The following CAPN13 variants were observed in gnomAD, a reference collection of about 807,000 sequenced individuals.
CAPN13 encodes calpain-13.
Under a neutral mutation model 98.4 loss-of-function variants are expected in CAPN13, and 90 were observed. The observed-to-expected ratio is 0.92, with a 90% CI of 0.77 to 1.09. The LOEUF (loss-of-function observed/expected upper bound fraction) is 1.09, where lower values mean the gene tolerates loss of function less well. Among genes scored for constraint, CAPN13 ranks in the 50% least tolerant of loss-of-function variants. The pLI, the probability that CAPN13 is intolerant of heterozygous loss-of-function variation, is 0.00. For synonymous variants in CAPN13, 330 were observed against 305.5 expected, an observed-to-expected ratio of 1.08 and a Z score of -0.84; for missense variants, 887 against 841.3, an observed-to-expected ratio of 1.05 and a Z score of -0.67.
intron 8 of CAPN13, 58 bp downstream of exon 8, chr2:30,757,988 G>T: frequency 7.5e-7 from 1 of 1,329,616 alleles, no homozygotes; most frequent in Non-Finnish European, 1.0e-6. Context: ...ATGGGCAGGA[G>T]GCTCTACCGA....
At chr2:30,784,707 A>C (rs974319562) in intron 2 of CAPN13, among the ~76,000 whole-genome samples, 7 of 152,228 alleles carry the variant, frequency 4.6e-5, no homozygotes, top group African/African-American at 1.7e-4. Flanking sequence ...TCTTGGAACC[A>C]GACTCCTGGG....
chr2:30,779,405 G>T (rs1210777164), intron 2 of CAPN13, among the ~76,000 whole-genome samples: 4 of 152,234 alleles, frequency 2.6e-5, no homozygotes, highest in Non-Finnish European at 4.4e-5. Context: ...TAATGACGAT[G>T]CAATCAAGGC....
chr2:30,761,032 A>G (rs948748886), intron 7 of CAPN13, among the ~76,000 whole-genome samples: 1 of 152,220 alleles, frequency 6.6e-6, no homozygotes, highest in Non-Finnish European at 1.5e-5. Context: ...TTTTGTGGCT[A>G]ATGGTACAAT....
At chr2:30,726,154 G>A (rs2103477140) in intron 22 of CAPN13, among the ~76,000 whole-genome samples, 1 of 152,326 alleles carries the variant, frequency 6.6e-6, no homozygotes, top group South Asian at 2.1e-4. Context: ...ACATACCCAG[G>A]CTTATAGTCT....
In CAPN13 at chr2:30,775,926, G is replaced by A. The variant is rs190458763; in HGVS notation, c.387+4C>T. The stretch of plus-strand genomic sequence containing the variant: ...TATAATGAGCGCTGCAAGGGCACAC[G>A]TACCCGGAAACGGAAAATGCCAGCA... On this transcript the variant is annotated splice_donor_region_variant and intron_variant, in intron 4 of 22. Coordinates refer to ENST00000295055, the MANE Select transcript of CAPN13 (RefSeq NM_144575.3). 9.4e-6 allele frequency: 15 copies of A among 1,603,500 alleles called. No homozygotes were observed. Among genetic ancestry groups the A allele is most frequent in the African/African-American group, 4.0e-5 (3 of 74,728 alleles).
intron 4 of CAPN13, among the ~76,000 whole-genome samples, chr2:30,774,011 A>C (rs1673544251): frequency 6.7e-6 from 1 of 148,590 alleles, no homozygotes; most frequent in Non-Finnish European, 1.5e-5. Flanking sequence ...TCCAATTATA[A>C]TAAAACAGAG....
intron 2 of CAPN13, among the ~76,000 whole-genome samples, chr2:30,783,650 C>A (rs1217578497): frequency 6.6e-6 from 1 of 152,142 alleles, no homozygotes; most frequent in East Asian, 1.9e-4. Context: ...TAGTGTTGAA[C>A]CTGCCAAGCT....
At chr2:30,742,614 C>T (rs1455401696) in intron 13 of CAPN13, among the ~76,000 whole-genome samples, 2 of 152,190 alleles carry the variant, frequency 1.3e-5, no homozygotes, top group African/African-American at 2.4e-5. Flanking sequence ...CCAGCAACCC[C>T]CATTGTCAGT....
chr2:30,741,750 C>T lies in CAPN13; in HGVS notation c.1536+158G>A, dbSNP rs1381174020. 5.4e-6 allele frequency: 8 copies of T among 1,477,724 alleles called. No individual in the cohort carries two copies. The African/African-American group carries it at 1.1e-4, about 21-fold the overall frequency. 91.5% of individuals were successfully genotyped at this position (1,477,724 alleles called of 1,614,324 possible). On this transcript the variant is annotated intron_variant, in intron 15 of 22. Coordinates refer to ENST00000295055, the MANE Select transcript of CAPN13 (RefSeq NM_144575.3). ...ACGTCTCTACCGAGCTTGGCAGCCACAGCAGTTCTGGAGACGATCCAGGAA... is the reference window on the plus strand; with the variant it reads ...ACGTCTCTACCGAGCTTGGCAGCCATAGCAGTTCTGGAGACGATCCAGGAA...
Position 30,736,625 on chromosome 2 carries a change from C to A in CAPN13, c.1654-54G>T, listed in dbSNP as rs529279215. 3.9e-6 allele frequency: 6 copies of A among 1,535,162 alleles called. No individual in the cohort carries two copies. The African/African-American group carries it at 8.2e-5, about 21-fold the overall frequency. Reference sequence around the variant, plus strand: ...CAGCGTGCAAGGTGCAGAGGGGCTGCCATCCTGCCAACAAAGCCAGAGCAG... The same window carrying A: ...CAGCGTGCAAGGTGCAGAGGGGCTGACATCCTGCCAACAAAGCCAGAGCAG... On this transcript the variant is annotated intron_variant, in intron 17 of 22. Coordinates refer to ENST00000295055, the MANE Select transcript of CAPN13 (RefSeq NM_144575.3).
chr2:30,769,755 T>C (rs1673300006), intron 5 of CAPN13, among the ~76,000 whole-genome samples: 1 of 152,220 alleles, frequency 6.6e-6, no homozygotes, highest in African/African-American at 2.4e-5. Context: ...CATATGAGAA[T>C]AAGCATGTCC....
At chr2:30,800,685 GAC>G (rs1243975806) in intron 1 of CAPN13, among the ~76,000 whole-genome samples, 1 of 152,150 alleles carries the variant, frequency 6.6e-6, no homozygotes, top group Non-Finnish European at 1.5e-5. Flanking sequence ...GATACTGTTA[GAC>G]AATAAAATAG....
intron 4 of CAPN13, among the ~76,000 whole-genome samples, chr2:30,770,916 C>A (rs1233681715): frequency 6.6e-6 from 1 of 152,108 alleles, no homozygotes; most frequent in Admixed American, 6.6e-5. Context: ...AAGCACGTGG[C>A]AGGGAGACAG....
At chr2:30,770,038 T>C (rs1436476573) in intron 5 of CAPN13, among the ~76,000 whole-genome samples, 1 of 152,214 alleles carries the variant, frequency 6.6e-6, no homozygotes, top group African/African-American at 2.4e-5. Flanking sequence ...ACCGTGATAT[T>C]ATTAAATATA....
chr2:30,774,044 C>T (rs1673546748), intron 4 of CAPN13, among the ~76,000 whole-genome samples: 1 of 151,988 alleles, frequency 6.6e-6, no homozygotes, highest in Non-Finnish European at 1.5e-5. Flanking sequence ...AAAGATTATC[C>T]CTTGCAAAAC....
intron 7 of CAPN13, among the ~76,000 whole-genome samples, chr2:30,761,209 T>C (rs1164252464): frequency 6.6e-6 from 1 of 152,194 alleles, no homozygotes; most frequent in Non-Finnish European, 1.5e-5. Flanking sequence ...TTCTGGGAAG[T>C]GTCAGCTACA....
rs1673003265 is a variant in CAPN13, at chr2:30,764,310, G to T, written c.525-4C>A. The stretch of plus-strand genomic sequence containing the variant: ...ATCGGAATAGGATCCGAGCAGCCTG[G>T]GAGGGAATGGGGGATGAACCATCGT... On this transcript the variant is annotated splice_polypyrimidine_tract_variant and splice_region_variant and intron_variant, in intron 5 of 22. Transcript: ENST00000295055. 6.2e-7 allele frequency: 1 copy of T among 1,613,106 alleles called. No homozygotes were observed. The highest frequency in any genetic ancestry group is 2.2e-5 in the East Asian group (1 of 44,870).
intron 11 of CAPN13, among the ~76,000 whole-genome samples, chr2:30,748,345 GC>G (rs1267601252): frequency 6.6e-6 from 1 of 152,196 alleles, no homozygotes; most frequent in Non-Finnish European, 1.5e-5. Flanking sequence ...TCGTCTGAAA[GC>G]CCTGGAAACT....
In CAPN13 at chr2:30,786,853, G is replaced by A. The variant is rs748952570; in HGVS notation, c.198+275C>T. On this transcript the variant is annotated intron_variant, in intron 2 of 22. Coordinates refer to ENST00000295055, the MANE Select transcript of CAPN13 (RefSeq NM_144575.3). The stretch of plus-strand genomic sequence containing the variant: ...AGCAACAACTACAATCTTCATACCC[G>A]TGGTTTCCCATTTTTTGGATGAAAA... Among the ~76,000 whole-genome samples, 14 of 152,262 alleles carry A rather than the reference G, an allele frequency of 9.2e-5. 1 individual carries two copies. The highest frequency in any genetic ancestry group is 1.2e-4 in the Non-Finnish European group (8 of 68,012).
Sources: gnomAD v4.1 joint callset for allele counts (sites outside exome capture counted in the v4.1 genomes callset) on GRCh38, gnomAD v4.1.1 for gene constraint, MANE v1.5 for transcripts, NCBI Gene and HGNC (gene_info 2026-07-23, HGNC 2026-07-21) for gene names.